KCND3: variants seen among roughly 807,000 people sequenced by gnomAD.
KCND3 encodes potassium voltage-gated channel subfamily D member 3, also known as A-type voltage-gated potassium channel KCND3.
A neutral mutation model predicts 51.1 loss-of-function variants in KCND3; 9 were observed. The ratio of observed to expected loss-of-function variants is 0.18; its 90% CI spans 0.11 to 0.31. KCND3 has a LOEUF of 0.31. Among genes scored for constraint, KCND3 ranks in the 10% least tolerant of loss-of-function variants. KCND3 has a pLI of 1.00. For missense variants in KCND3, 526 were observed against 903.8 expected, an observed-to-expected ratio of 0.58 and a Z score of 5.36; for synonymous variants, 349 against 368.0, an observed-to-expected ratio of 0.95 and a Z score of 0.59.
chr1:111,903,090 C>A (rs894699853), intron 2 of KCND3, among the ~76,000 whole-genome samples: 1 of 152,138 alleles, frequency 6.6e-6, no homozygotes, highest in Non-Finnish European at 1.5e-5. Flanking sequence ...GGGGCAGAAC[C>A]GGGCTGTCCA....
At chr1:111,949,365 T>A (rs1034547103) in intron 2 of KCND3, among the ~76,000 whole-genome samples, 1 of 151,752 alleles carries the variant, frequency 6.6e-6, no homozygotes, top group Non-Finnish European at 1.5e-5. Flanking sequence ...CCCGCGGAGG[T>A]GCAGGAAAAA....
intron 2 of KCND3, among the ~76,000 whole-genome samples, chr1:111,948,181 C>T (rs976939726): frequency 1.3e-5 from 2 of 152,246 alleles, no homozygotes; most frequent in African/African-American, 2.4e-5. Flanking sequence ...CTATCCTGTG[C>T]GTGGCCTCCC....
At chr1:111,779,186 A>G (rs1047713933) in intron 5 of KCND3, among the ~76,000 whole-genome samples, 8 of 152,146 alleles carry the variant, frequency 5.3e-5, no homozygotes, top group Non-Finnish European at 1.0e-4. Context: ...GAAGCCAGGC[A>G]TGGTGGTCTG....
chr1:111,951,558 CTCATTCAT>C (rs918684806), intron 2 of KCND3, among the ~76,000 whole-genome samples: 3 of 152,208 alleles, frequency 2.0e-5, no homozygotes, highest in African/African-American at 7.2e-5. Flanking sequence ...GAGCAGGGCA[CTCATTCAT>C]TCATTCAACA....
At chr1:111,912,218 G>T (rs1264363632) in intron 2 of KCND3, among the ~76,000 whole-genome samples, 1 of 152,332 alleles carries the variant, frequency 6.6e-6, no homozygotes, top group East Asian at 1.9e-4. Context: ...CAATGTTTTG[G>T]CCAATGCCAG....
chr1:111,976,297 T>C (rs1674620651), intron 2 of KCND3, among the ~76,000 whole-genome samples: 1 of 152,172 alleles, frequency 6.6e-6, no homozygotes. Flanking sequence ...GGAGGCAAAC[T>C]TCCCTTGCAA....
Position 111,977,488 on chromosome 1 carries a change from C to T in KCND3, c.1106+4133G>A, listed in dbSNP as rs533459209. On this transcript the variant is annotated intron_variant, in intron 2 of 7. Coordinates refer to ENST00000302127, the MANE Select transcript of KCND3 (RefSeq NM_001378969.1). ...AAAGTGATTTTTGGACACTGTCAAA[C>T]GCTCTCTCATCTCAGAGCATGGGGT... is the stretch of plus-strand genomic sequence containing the variant. Among the ~76,000 whole-genome samples the T allele has an allele frequency of 9.9e-5, 15 of 152,262 alleles. No individual in the cohort carries two copies. The South Asian group carries it at 1.7e-3, about 17-fold the overall frequency.
intron 2 of KCND3, among the ~76,000 whole-genome samples, chr1:111,793,989 G>A (rs1363635397): frequency 6.6e-6 from 1 of 152,218 alleles, no homozygotes; most frequent in Non-Finnish European, 1.5e-5. Flanking sequence ...AGGTACAGGT[G>A]AGCTGTGGTG....
intron 2 of KCND3, among the ~76,000 whole-genome samples, chr1:111,827,396 G>T (rs1232896762): frequency 2.0e-5 from 3 of 152,180 alleles, no homozygotes; most frequent in Non-Finnish European, 4.4e-5. Flanking sequence ...CTTTCAGTGG[G>T]TTCACGATGC....
chr1:111,894,724 G>C (rs1329642993), intron 2 of KCND3, among the ~76,000 whole-genome samples: 1 of 152,336 alleles, frequency 6.6e-6, no homozygotes, highest in Non-Finnish European at 1.5e-5. Flanking sequence ...CAGCCATCTG[G>C]TCCCAAGTGT....
At chr1:111,791,277 GGCT>G (rs1664812523) in intron 2 of KCND3, among the ~76,000 whole-genome samples, 1 of 152,144 alleles carries the variant, frequency 6.6e-6, no homozygotes, top group Admixed American at 6.5e-5. Context: ...TTTTTCTGAT[GGCT>G]GATGATGTTG....
intron 2 of KCND3, among the ~76,000 whole-genome samples, chr1:111,884,021 A>T (rs553600892): frequency 6.6e-6 from 1 of 152,142 alleles, no homozygotes; most frequent in Non-Finnish European, 1.5e-5. Flanking sequence ...TGCTTTTCCC[A>T]TTACACAGGC....
At chr1:111,920,658 G>A (rs1256982656) in intron 2 of KCND3, among the ~76,000 whole-genome samples, 3 of 152,172 alleles carry the variant, frequency 2.0e-5, no homozygotes, top group African/African-American at 7.2e-5. Flanking sequence ...GCCACTCCAG[G>A]CTCCTCCTAC....
intron 2 of KCND3, among the ~76,000 whole-genome samples, chr1:111,870,672 C>T (rs1172898461): frequency 6.6e-6 from 1 of 151,968 alleles, no homozygotes; most frequent in East Asian, 1.9e-4. Flanking sequence ...AAATATGATG[C>T]TACAGGGTCT....
At position 111,789,689 on chromosome 1, in the gene KCND3, A is replaced by G. The variant is rs559079228; in HGVS notation, c.1107-2583T>C. Among the ~76,000 whole-genome samples, 4 of 152,376 alleles carry G rather than the reference A, an allele frequency of 2.6e-5. No homozygotes were observed. In the South Asian group the frequency reaches 8.3e-4, roughly 32 times the overall value. On this transcript the variant is annotated intron_variant, in intron 2 of 7. Transcript: ENST00000302127. ...TGCTGGCAGAATTTGAGAGCAGATTATTAAGTAGACAGCTTGTGAATACTT... is the reference window on the plus strand; with the variant it reads ...TGCTGGCAGAATTTGAGAGCAGATTGTTAAGTAGACAGCTTGTGAATACTT...
chr1:111,958,863 T>G (rs1295368613), intron 2 of KCND3, among the ~76,000 whole-genome samples: 1 of 152,172 alleles, frequency 6.6e-6, no homozygotes, highest in African/African-American at 2.4e-5. Context: ...AGGGTGGTGG[T>G]GGGGGAACAA....
chr1:111,895,334 A>G (rs2813865), intron 2 of KCND3, among the ~76,000 whole-genome samples: 126,649 of 151,488 alleles, frequency 0.84, 53,329 homozygotes, highest in East Asian at 1. Context: ...CTTTGGGCAA[A>G]AACGTCATGC....
At chr1:111,921,359 A>G (rs1413074986) in intron 2 of KCND3, among the ~76,000 whole-genome samples, 3 of 152,206 alleles carry the variant, frequency 2.0e-5, no homozygotes, top group Non-Finnish European at 2.9e-5. Context: ...TTATTCTTCA[A>G]TGGAGCTTGG....
chr1:111,801,293 C>A (rs944712742), intron 2 of KCND3, among the ~76,000 whole-genome samples: 4 of 152,246 alleles, frequency 2.6e-5, no homozygotes, highest in Non-Finnish European at 5.9e-5. Flanking sequence ...TGGCCAGAGT[C>A]AGACACCTTT....
Sources: allele counts gnomAD v4.1 joint callset (sites outside exome capture counted in the v4.1 genomes callset), GRCh38; gene constraint gnomAD v4.1.1; transcripts MANE v1.5; gene names NCBI Gene and HGNC (gene_info 2026-07-23, HGNC 2026-07-21).